Variants in ACSM2B observed in about 807,000 individuals in gnomAD.
ACSM2B encodes acyl-CoA synthetase medium chain family member 2B.
A neutral mutation model predicts 78.6 loss-of-function variants in ACSM2B; 58 were observed. The ratio of observed to expected loss-of-function variants is 0.74; its 90% CI spans 0.60 to 0.92. The LOEUF is 0.92. ACSM2B is among the 40% of genes least tolerant of loss of function. ACSM2B has a pLI of 0.00. For synonymous variants in ACSM2B, 257 were observed against 256.8 expected (o/e 1.00, Z -0.01); for missense variants, 688 against 711.2 (o/e 0.97, Z 0.37).
At chr16:20,548,614 G>A in intron 6 of ACSM2B, 141 bp from the exon 7 acceptor site, 2 of 1,547,796 alleles carry the variant, frequency 1.3e-6, no homozygotes, top group African/African-American at 1.4e-5. Context: ...TCTGATTCAA[G>A]TTAAATGAGC....
At position 20,540,693 on chromosome 16, in the gene ACSM2B, A is replaced by G. The variant is rs763368188; in HGVS notation, c.1590T>C (p.His530=). 6.2e-7 allele frequency: 1 copy of G among 1,614,140 alleles called. No homozygotes were observed. Among genetic ancestry groups the G allele is most frequent in the Non-Finnish European group, 8.5e-7 (1 of 1,179,992 alleles). Residue 530 remains histidine (H), a synonymous_variant, in exon 13 of 14, where the codon CAT becomes CAC. Transcript: ENST00000329697. ...PEQLTKELQQ[H]VKSVTAPYKY... ...TGTATGGGGCTGTCACTGACTTCAC[A>G]TGCTGCTGCAGCTCCTTGGTGAGCT...
chr16:20,561,278 A>T (rs948328112), intron 2 of ACSM2B, among the ~76,000 whole-genome samples: 1 of 151,654 alleles, frequency 6.6e-6, no homozygotes, highest in African/African-American at 2.4e-5. Context: ...ATTTATAAAG[A>T]AAAAAGTTTA....
intron 2 of ACSM2B, among the ~76,000 whole-genome samples, chr16:20,562,823 G>C (rs886710154): frequency 6.6e-6 from 1 of 152,078 alleles, no homozygotes; most frequent in African/African-American, 2.4e-5. Flanking sequence ...CATCACTATT[G>C]TAAAATCTAA....
chr16:20,568,340 AATATATC>A (rs1385009156), intron 1 of ACSM2B, among the ~76,000 whole-genome samples: 6 of 124,506 alleles, frequency 4.8e-5, no homozygotes, highest in South Asian at 2.9e-4. Flanking sequence ...TAATGTATAT[AATATATC>A]ATATATCATA....
chr16:20,544,491 C>A, intron 10 of ACSM2B: 1 of 804,960 alleles, frequency 1.2e-6, no homozygotes, highest in Non-Finnish European at 1.5e-6. Context: ...ACAATGCTTG[C>A]CTCATGGTAT....
At chr16:20,545,320 A>G in intron 9 of ACSM2B, 62 bp from the exon 10 acceptor site, 1 of 1,567,390 alleles carries the variant, frequency 6.4e-7, no homozygotes, top group Non-Finnish European at 8.7e-7. Flanking sequence ...CAATGGCAGC[A>G]GGAGATTGCT....
At chr16:20,568,905 T>A (rs2016012471) in intron 1 of ACSM2B, among the ~76,000 whole-genome samples, 1 of 151,734 alleles carries the variant, frequency 6.6e-6, no homozygotes, top group Non-Finnish European at 1.5e-5. Context: ...TTTATGGGAT[T>A]TTTTGGGCTT....
intron 12 of ACSM2B, 23 bp downstream of exon 12, chr16:20,542,891 C>A (rs2015035462): frequency 4.3e-6 from 7 of 1,613,076 alleles, no homozygotes; most frequent in Non-Finnish European, 5.1e-6. Flanking sequence ...CTGTTCACCC[C>A]CAGGCTACTG....
chr16:20,542,881 C>G lies in ACSM2B; in HGVS notation c.1509+33G>C, dbSNP rs12933763. On this transcript the variant is annotated intron_variant, in intron 12 of 13. Transcript: ENST00000329697. ...TACTACACTGCCCTTGTGTTCATAT[C>G]TGTTCACCCCCAGGCTACTGCTTCC... 8.1e-3 allele frequency: 12,922 copies of G among 1,600,980 alleles called. 263 individuals are homozygous for G. The highest frequency in any genetic ancestry group is 0.034 in the African/African-American group (2,516 of 73,062).
chr16:20,562,580 AAC>A (rs1024371726), intron 2 of ACSM2B, among the ~76,000 whole-genome samples: 2 of 152,180 alleles, frequency 1.3e-5, no homozygotes, highest in African/African-American at 4.8e-5. Flanking sequence ...CAAGGATGAC[AAC>A]AGTCTCTTCC....
At chr16:20,550,807 G>C (rs2015289971) in intron 6 of ACSM2B, among the ~76,000 whole-genome samples, 1 of 152,078 alleles carries the variant, frequency 6.6e-6, no homozygotes, top group Non-Finnish European at 1.5e-5. Flanking sequence ...TCATTGCTTT[G>C]TTGCTACAGG....
chr16:20,561,443 T>A (rs898437225), intron 2 of ACSM2B, among the ~76,000 whole-genome samples: 3 of 151,178 alleles, frequency 2.0e-5, no homozygotes, highest in Non-Finnish European at 4.4e-5. Context: ...CGTGGGGAAG[T>A]GCCATGTATG....
intron 10 of ACSM2B, among the ~76,000 whole-genome samples, chr16:20,543,779 G>C (rs2015064815): frequency 6.6e-6 from 1 of 152,064 alleles, no homozygotes; most frequent in African/African-American, 2.4e-5. Context: ...GAAAAGGCTT[G>C]AGCTTTATCC....
At chr16:20,557,479 G>A (rs1229627538) in intron 3 of ACSM2B, among the ~76,000 whole-genome samples, 15 of 151,864 alleles carry the variant, frequency 9.9e-5, no homozygotes, top group Non-Finnish European at 1.5e-4. Flanking sequence ...ATCACTAACC[G>A]TTCACCTCTT....
At chr16:20,560,883 C>T (rs1012393804) in intron 2 of ACSM2B, among the ~76,000 whole-genome samples, 10 of 151,980 alleles carry the variant, frequency 6.6e-5, no homozygotes, top group South Asian at 2.1e-4. Context: ...AGGAACTTTT[C>T]GGGAACTGAA....
chr16:20,567,595 A>T (rs1178706911), intron 1 of ACSM2B, among the ~76,000 whole-genome samples: 1 of 135,328 alleles, frequency 7.4e-6, no homozygotes, highest in Non-Finnish European at 1.6e-5. Context: ...ATAATAATAT[A>T]AGATATATAA....
At chr16:20,571,465 A>ATTGAGAC (rs1273447372) in intron 1 of ACSM2B, among the ~76,000 whole-genome samples, 1 of 151,666 alleles carries the variant, frequency 6.6e-6, no homozygotes, top group Non-Finnish European at 1.5e-5. Context: ...TCTCAGATTT[A>ATTGAGAC]TTGAGACTTG....
In ACSM2B at chr16:20,555,495, T is replaced by C. The variant is rs1206902829; in HGVS notation, c.389-19A>G. On this transcript the variant is annotated intron_variant, in intron 3 of 13. Transcript: ENST00000329697. ...ATGAGACCTAAAGAAGCCAACAATT[T>C]AGAGAATTGGAAAGGATGGTTTTCT... The C allele has an allele frequency of 6.2e-7, 1 of 1,611,058 alleles. No individual in the cohort carries two copies. The highest frequency in any genetic ancestry group is 8.5e-7 in the Non-Finnish European group (1 of 1,177,780).
At chr16:20,557,336 C>A (rs2015505170) in intron 3 of ACSM2B, among the ~76,000 whole-genome samples, 1 of 152,146 alleles carries the variant, frequency 6.6e-6, no homozygotes, top group African/African-American at 2.4e-5. Flanking sequence ...AAAGACAGCA[C>A]CCACTTGCTG....
Sources: gnomAD v4.1 joint callset for allele counts (sites outside exome capture counted in the v4.1 genomes callset) on GRCh38, gnomAD v4.1.1 for gene constraint, MANE v1.5 for transcripts, NCBI Gene and HGNC (gene_info 2026-07-23, HGNC 2026-07-21) for gene names.